The following ZNF705B variants were observed in gnomAD, a reference collection of about 807,000 sequenced individuals.
ZNF705B encodes the protein Putative zinc finger protein 705D-like protein LOC100132396.
In ZNF705B, 1 loss-of-function variant was observed where a neutral mutation model predicts 10.5. The ratio of observed to expected loss-of-function variants is 0.10; its 90% CI spans 0.03 to 0.45. The LOEUF (loss-of-function observed/expected upper bound fraction) is 0.45. Ranked by LOEUF, ZNF705B falls within the 20% of genes least tolerant of loss-of-function variation. ZNF705B has a pLI of 0.97. For missense variants in ZNF705B, 14 were observed against 84.0 expected (o/e 0.17, Z 3.26); for synonymous variants, 4 against 25.4 (o/e 0.16, Z 2.53).
intron 2 of ZNF705B, among the ~76,000 whole-genome samples, chr8:7,940,948 T>C (rs1187883821): frequency 2.7e-5 from 4 of 148,766 alleles, no homozygotes; most frequent in Admixed American, 1.3e-4. Context: ...TGCTTGGTTT[T>C]CTGTTCGTGG....
chr8:7,931,452 C>A (rs1335503086), intron 2 of ZNF705B, among the ~76,000 whole-genome samples: 3 of 122,012 alleles, frequency 2.5e-5, no homozygotes, highest in African/African-American at 5.0e-5. Context: ...ATTAATCCCC[C>A]AGCTCCCAGA....
intron 2 of ZNF705B, chr8:7,938,853 GTC>G: frequency 1.7e-6 from 1 of 591,868 alleles, no homozygotes; most frequent in Non-Finnish European, 2.9e-6. Context: ...GCAGTGGAAT[GTC>G]TCTGTTTGGA....
intron 2 of ZNF705B, among the ~76,000 whole-genome samples, chr8:7,940,889 T>G (rs1370752687): frequency 6.1e-5 from 9 of 146,890 alleles, no homozygotes; most frequent in African/African-American, 2.2e-4. Context: ...CCTCCTAATA[T>G]CCATGTGTTC....
intron 1 of ZNF705B, among the ~76,000 whole-genome samples, chr8:7,926,976 C>T (rs1819707839): frequency 2.6e-5 from 3 of 116,748 alleles, no homozygotes. Context: ...CATTGACTTG[C>T]TCAGAGAAAA....
chr8:7,931,366 G>A (rs1441876182), intron 2 of ZNF705B, among the ~76,000 whole-genome samples: 5 of 121,974 alleles, frequency 4.1e-5, no homozygotes, highest in South Asian at 2.7e-4. Flanking sequence ...GGTGACAGCC[G>A]TGATGGCAGG....
chr8:7,928,007 A>T (rs1171277123), intron 1 of ZNF705B, among the ~76,000 whole-genome samples: 3 of 135,334 alleles, frequency 2.2e-5, no homozygotes, highest in African/African-American at 7.5e-5. Flanking sequence ...TTGGGATGCT[A>T]TTAAAAAGTA....
intron 2 of ZNF705B, among the ~76,000 whole-genome samples, chr8:7,941,189 C>A (rs1389597925): frequency 6.9e-6 from 1 of 145,182 alleles, no homozygotes. Context: ...ATTTATATTC[C>A]TTTGGGTATA....
rs1447290834 is a variant in ZNF705B at position 7,928,970 on chromosome 8, A to T, written c.-221-1317A>T. Reference sequence around the variant, plus strand: ...GAAGGCCGCAGGGCTAGGAATACAAAACTACCTATTAGGTACAATGTACTC... The same window carrying T: ...GAAGGCCGCAGGGCTAGGAATACAATACTACCTATTAGGTACAATGTACTC... On this transcript the variant is annotated intron_variant, in intron 1 of 6. Coordinates refer to ENST00000400120, the MANE Select transcript of ZNF705B (RefSeq NM_001193630.1). 6.9e-5 allele frequency among the ~76,000 whole-genome samples: 8 copies of T among 115,738 alleles called. 1 individual carries two copies. Among genetic ancestry groups the T allele is most frequent in the Non-Finnish European group, 1.7e-4 (8 of 48,484 alleles). 75.9% of individuals were successfully genotyped at this position (115,738 alleles called of 152,430 possible).
chr8:7,926,549 A>G (rs1427022223), intron 1 of ZNF705B, among the ~76,000 whole-genome samples, 152 bp downstream of exon 1: 2 of 108,884 alleles, frequency 1.8e-5, no homozygotes, highest in African/African-American at 5.4e-5. Flanking sequence ...TATTATTATT[A>G]TCAGTAGTAT....
At chr8:7,931,507 T>A (rs1819847532) in intron 2 of ZNF705B, among the ~76,000 whole-genome samples, 1 of 121,982 alleles carries the variant, frequency 8.2e-6, no homozygotes, top group African/African-American at 2.5e-5. Flanking sequence ...CATACTCAGG[T>A]CACAAGAAGG....
intron 1 of ZNF705B, among the ~76,000 whole-genome samples, chr8:7,927,800 A>G (rs1819739654): frequency 6.8e-6 from 1 of 147,490 alleles, no homozygotes; most frequent in Non-Finnish European, 1.5e-5. Context: ...ATTTTTGCAA[A>G]GACCACAGCT....
intron 2 of ZNF705B, among the ~76,000 whole-genome samples, chr8:7,940,602 C>G (rs1230578072): frequency 7.5e-6 from 1 of 133,534 alleles, no homozygotes; most frequent in Non-Finnish European, 1.7e-5. Flanking sequence ...ATTTCCCCAG[C>G]ACCAGGGCCC....
At chr8:7,937,916 G>A (rs1820058663) in intron 2 of ZNF705B, among the ~76,000 whole-genome samples, 1 of 108,568 alleles carries the variant, frequency 9.2e-6, no homozygotes, top group Non-Finnish European at 2.2e-5. Context: ...CTATAAAACA[G>A]CAAAAATAGA....
At chr8:7,930,945 T>C (rs1819829986) in intron 2 of ZNF705B, among the ~76,000 whole-genome samples, 1 of 127,110 alleles carries the variant, frequency 7.9e-6, no homozygotes, top group Non-Finnish European at 1.9e-5. Flanking sequence ...CAGCTCTGCC[T>C]CCTGGGCTCA....
At chr8:7,930,583 T>A (rs546272403) in intron 2 of ZNF705B, 147 bp downstream of exon 2, 1 of 87,722 alleles carries the variant, frequency 1.1e-5, no homozygotes, top group Admixed American at 1.6e-4. Context: ...GTACAACAAA[T>A]TTCATTTTAC....
In ZNF705B at chr8:7,932,940, C is replaced by G. The variant is rs550243313; in HGVS notation, c.-72+2504C>G. On this transcript the variant is annotated intron_variant, in intron 2 of 6. Coordinates refer to ENST00000400120, the MANE Select transcript of ZNF705B (RefSeq NM_001193630.1). ...AATTGTGACAGGTGGTAAAAGCACT[C>G]AGTGGCTGTTGTAGGCAGAATAATG... Among the ~76,000 whole-genome samples the G allele has an allele frequency of 3.7e-5, 4 of 109,312 alleles. No individual in the cohort carries two copies. The South Asian group carries it at 1.4e-3, about 37-fold the overall frequency. 71.7% of individuals were successfully genotyped at this position (109,312 alleles called of 152,430 possible).
intron 2 of ZNF705B, among the ~76,000 whole-genome samples, chr8:7,933,149 A>T (rs1318149155): frequency 4.8e-5 from 5 of 105,066 alleles, no homozygotes. Context: ...AGTCCTAAAA[A>T]ATGGAAGAGT....
chr8:7,932,160 T>C (rs2980519), intron 2 of ZNF705B, among the ~76,000 whole-genome samples: 7 of 121,278 alleles, frequency 5.8e-5, no homozygotes, highest in East Asian at 2.3e-4. Context: ...GCTGAGAGAC[T>C]GTCCCTTGGC....
intron 2 of ZNF705B, among the ~76,000 whole-genome samples, chr8:7,932,222 T>C (rs1819868168): frequency 8.3e-6 from 1 of 121,172 alleles, no homozygotes; most frequent in Non-Finnish European, 2.0e-5. Context: ...CTCTCTTTTT[T>C]ACCTTTTCAC....
Sources: allele counts gnomAD v4.1 joint callset (sites outside exome capture counted in the v4.1 genomes callset), GRCh38; gene constraint gnomAD v4.1.1; transcripts MANE v1.5; gene names NCBI Gene and HGNC (gene_info 2026-07-23, HGNC 2026-07-21).